CNTN4: variants seen among roughly 807,000 people sequenced by gnomAD.
CNTN4 encodes contactin 4, also known as contactin-4.
CNTN4 carries 77 observed loss-of-function variants against 122.5 expected under a neutral mutation model. The ratio of observed to expected loss-of-function variants is 0.63; its 90% CI spans 0.52 to 0.76. The LOEUF is 0.76. Among genes scored for constraint, CNTN4 ranks in the 30% least tolerant of loss-of-function variants. The pLI is 0.00. For synonymous variants in CNTN4, 512 were observed against 447.0 expected (o/e 1.15, Z -1.83); for missense variants, 1,256 against 1,259.1 (o/e 1.00, Z 0.04).
In CNTN4 at chr3:2,952,930, T is replaced by C. The variant is rs2094761255; in HGVS notation, c.1358+27151T>C. On this transcript the variant is annotated intron_variant, in intron 13 of 24. Coordinates refer to ENST00000418658, the MANE Select transcript of CNTN4 (RefSeq NM_175607.3). Reference sequence around the variant, plus strand: ...TATGTGCTAGGTATTTTACATATACTGTACCTTGTATAAATCTCCCCCAAA... The same window carrying C: ...TATGTGCTAGGTATTTTACATATACCGTACCTTGTATAAATCTCCCCCAAA... Among the ~76,000 whole-genome samples the C allele has an allele frequency of 2.6e-5, 4 of 152,234 alleles. No homozygotes were observed. In the South Asian group the frequency reaches 8.3e-4, roughly 32 times the overall value.
At chr3:2,439,962 G>C (rs903273795) in intron 3 of CNTN4, among the ~76,000 whole-genome samples, 2 of 152,122 alleles carry the variant, frequency 1.3e-5, no homozygotes, top group Admixed American at 6.6e-5. Flanking sequence ...AGCCTTAGGA[G>C]TGTCAAAACT....
At chr3:2,575,059 GAGA>G (rs765211996) in intron 4 of CNTN4, among the ~76,000 whole-genome samples, 1 of 152,030 alleles carries the variant, frequency 6.6e-6, no homozygotes, top group Non-Finnish European at 1.5e-5. Flanking sequence ...ATAGGTAGAA[GAGA>G]AGAAGTCTAA....
chr3:2,286,660 A>G (rs1277638124), intron 2 of CNTN4, among the ~76,000 whole-genome samples: 1 of 152,190 alleles, frequency 6.6e-6, no homozygotes, highest in Admixed American at 6.5e-5. Context: ...ACAACAGAGC[A>G]TTTTGTTCTT....
At chr3:2,115,992 G>C (rs753211934) in intron 2 of CNTN4, among the ~76,000 whole-genome samples, 7 of 152,186 alleles carry the variant, frequency 4.6e-5, no homozygotes, top group Non-Finnish European at 1.0e-4. Context: ...TTTATGCAGT[G>C]AGACTTAAAT....
At chr3:2,988,722 T>C (rs1694806463) in intron 14 of CNTN4, 4 of 492,804 alleles carry the variant, frequency 8.1e-6, no homozygotes, top group African/African-American at 1.9e-5. Context: ...GTATCTCTTA[T>C]AGTATTGTAA....
At chr3:2,337,887 A>G (rs948740347) in intron 2 of CNTN4, among the ~76,000 whole-genome samples, 6 of 152,112 alleles carry the variant, frequency 3.9e-5, no homozygotes, top group Non-Finnish European at 7.4e-5. Flanking sequence ...TGGTGCCAAT[A>G]GCTGTAAATA....
intron 10 of CNTN4, among the ~76,000 whole-genome samples, chr3:2,898,117 A>G (rs1274441691): frequency 6.6e-6 from 1 of 152,182 alleles, no homozygotes; most frequent in Non-Finnish European, 1.5e-5. Flanking sequence ...CATCCAATCT[A>G]AGTGAGCAGG....
At chr3:2,901,386 G>A (rs937189065) in intron 11 of CNTN4, among the ~76,000 whole-genome samples, 1 of 152,106 alleles carries the variant, frequency 6.6e-6, no homozygotes, top group Non-Finnish European at 1.5e-5. Flanking sequence ...TCCTCCAGTA[G>A]GCCACCCAGA....
At chr3:2,722,111 T>G (rs2087895076) in intron 4 of CNTN4, among the ~76,000 whole-genome samples, 1 of 152,228 alleles carries the variant, frequency 6.6e-6, no homozygotes, top group Non-Finnish European at 1.5e-5. Flanking sequence ...GTTATTTTGT[T>G]AAAGCAACCT....
intron 7 of CNTN4, among the ~76,000 whole-genome samples, chr3:2,821,023 G>A (rs1184593187): frequency 7.1e-6 from 1 of 139,928 alleles, no homozygotes; most frequent in Non-Finnish European, 1.5e-5. Flanking sequence ...GTGTGGTGGT[G>A]CAATCTCGGC....
intron 14 of CNTN4, chr3:3,008,999 T>G: frequency 1.0e-6 from 1 of 985,290 alleles, no homozygotes; most frequent in Non-Finnish European, 1.2e-6. Context: ...CCAGCGTCTT[T>G]CTTGGTATGA....
chr3:2,320,386 G>T (rs1320804510), intron 2 of CNTN4, among the ~76,000 whole-genome samples: 1 of 152,082 alleles, frequency 6.6e-6, no homozygotes, highest in East Asian at 1.9e-4. Context: ...ACTAATATTA[G>T]GTTATGTGCC....
chr3:2,828,746 G>A (rs1344019935), intron 7 of CNTN4, among the ~76,000 whole-genome samples: 1 of 151,958 alleles, frequency 6.6e-6, no homozygotes, highest in Non-Finnish European at 1.5e-5. Flanking sequence ...ATATTCTTCT[G>A]TTTGTTTTTC....
At chr3:2,278,691 T>C (rs2149876739) in intron 2 of CNTN4, among the ~76,000 whole-genome samples, 1 of 152,308 alleles carries the variant, frequency 6.6e-6, no homozygotes, top group African/African-American at 2.4e-5. Flanking sequence ...TGCTTTTGAA[T>C]TGCAAGACCC....
At chr3:2,498,152 T>C (rs1052005672) in intron 3 of CNTN4, among the ~76,000 whole-genome samples, 4 of 152,162 alleles carry the variant, frequency 2.6e-5, no homozygotes, top group Admixed American at 6.5e-5. Flanking sequence ...TGAATACTTA[T>C]GGAGTTTGAA....
At chr3:2,528,160 A>AGTAATTAT (rs1295787847) in intron 3 of CNTN4, among the ~76,000 whole-genome samples, 1 of 152,140 alleles carries the variant, frequency 6.6e-6, no homozygotes, top group Non-Finnish European at 1.5e-5. Flanking sequence ...CACAGTACTG[A>AGTAATTAT]GTAATTATTA....
intron 3 of CNTN4, among the ~76,000 whole-genome samples, chr3:2,394,303 C>T (rs552313100): frequency 1.3e-5 from 2 of 152,124 alleles, no homozygotes; most frequent in African/African-American, 4.8e-5. Context: ...AGGGACAGGG[C>T]TAGACCTAAC....
At chr3:2,964,277 C>T (rs1692070999) in intron 13 of CNTN4, among the ~76,000 whole-genome samples, 1 of 152,178 alleles carries the variant, frequency 6.6e-6, no homozygotes, top group South Asian at 2.1e-4. Context: ...TTAGCCACCA[C>T]TGAGACTAGT....
chr3:2,213,730 T>C (rs940916420), intron 2 of CNTN4, among the ~76,000 whole-genome samples: 7 of 152,192 alleles, frequency 4.6e-5, no homozygotes, highest in Admixed American at 1.3e-4. Context: ...TTTTGCACAA[T>C]TAAATGGTAC....
Sources: gnomAD v4.1 joint callset for allele counts (sites outside exome capture counted in the v4.1 genomes callset) on GRCh38, gnomAD v4.1.1 for gene constraint, MANE v1.5 for transcripts, NCBI Gene and HGNC (gene_info 2026-07-23, HGNC 2026-07-21) for gene names.